Variants in DDX60 observed in about 807,000 individuals in gnomAD.
The protein encoded by DDX60 is DExD/H-box helicase 60.
In DDX60, 165 loss-of-function variants were observed where a neutral mutation model predicts 212.8. The ratio of observed to expected loss-of-function variants is 0.78; its 90% CI spans 0.68 to 0.88. DDX60 has a LOEUF of 0.88. Among genes scored for constraint, DDX60 ranks in the 40% least tolerant of loss-of-function variants. The pLI is 0.00. For missense variants in DDX60, 1,905 were observed against 2,003.9 expected, an observed-to-expected ratio of 0.95 and a Z score of 0.94; for synonymous variants, 703 against 685.3, an observed-to-expected ratio of 1.03 and a Z score of -0.40.
chr4:168,273,172 A>G, intron 18 of DDX60, 107 bp downstream of exon 18: 1 of 1,158,590 alleles, frequency 8.6e-7, no homozygotes, highest in Non-Finnish European at 1.2e-6. Context: ...ATAAATTCAA[A>G]TAAATTATTT....
Position 168,260,864 on chromosome 4 carries a change from CAA to C in DDX60, c.3397_3398del (p.Leu1133IlefsTer11). The C allele has an allele frequency of 6.3e-7, 1 of 1,594,386 alleles. No homozygotes were observed. The highest frequency in any genetic ancestry group is 8.6e-7 in the Non-Finnish European group (1 of 1,168,368). ...KMEKLPALFF[L>X]FKLGAVENAA... is the part of the protein sequence containing the mutation. Reference sequence around the variant, plus strand: ...AAACCAAATTAAATTAAATAACTTACAAAAAAAATAGTGCAGGTAACTTCTCC... The same window carrying C: ...AAACCAAATTAAATTAAATAACTTACAAAAAATAGTGCAGGTAACTTCTCC... On this transcript the variant is annotated frameshift_variant and splice_region_variant, in exon 25 of 38. Coordinates refer to ENST00000393743, the MANE Select transcript of DDX60 (RefSeq NM_017631.6). LOFTEE classifies it high-confidence loss of function.
intron 35 of DDX60, among the ~76,000 whole-genome samples, chr4:168,223,692 T>A (rs991873270): frequency 3.3e-5 from 5 of 152,076 alleles, no homozygotes; most frequent in Non-Finnish European, 7.4e-5. Context: ...TTATTTTAAG[T>A]GATACATGAC....
chr4:168,322,516 C>G (rs1395386305), upstream of DDX60, among the ~76,000 whole-genome samples: 1 of 152,130 alleles, frequency 6.6e-6, no homozygotes, highest in East Asian at 1.9e-4. Context: ...ATTTTCTACT[C>G]TGCTGCATTT....
chr4:168,269,374 G>A (rs767864286), intron 19 of DDX60, among the ~76,000 whole-genome samples: 1 of 152,080 alleles, frequency 6.6e-6, no homozygotes, highest in Non-Finnish European at 1.5e-5. Flanking sequence ...CGAGGAGGGC[G>A]GATCACGAGG....
intron 6 of DDX60, among the ~76,000 whole-genome samples, chr4:168,296,501 A>G (rs976224751): frequency 6.6e-6 from 1 of 152,140 alleles, no homozygotes; most frequent in Non-Finnish European, 1.5e-5. Context: ...TTGAAGACCC[A>G]AAACCACTCA....
At chr4:168,264,058 G>A (rs1477439861) in intron 22 of DDX60, among the ~76,000 whole-genome samples, 2 of 151,776 alleles carry the variant, frequency 1.3e-5, no homozygotes, top group African/African-American at 4.8e-5. Context: ...CAAATTTCGG[G>A]GCTAAAAAAG....
rs899940009 is a variant in DDX60 at position 168,237,552 on chromosome 4, C to T, written c.4270-125G>A. 4 of 1,164,256 alleles carry T rather than the reference C, an allele frequency of 3.4e-6. No homozygotes were observed. In the African/African-American group the frequency reaches 6.3e-5, roughly 18 times the overall value. The allele number at this position is 1,164,256 out of a possible 1,614,324, so 72.1% of individuals were successfully genotyped here. ...AAATATTTATAACTATTACTGGGCC[C>T]AACTTTTATAATTATACCATTTATA... On this transcript the variant is annotated intron_variant, in intron 31 of 37. Transcript: ENST00000393743.
intron 28 of DDX60, among the ~76,000 whole-genome samples, chr4:168,250,079 G>A (rs774021873): frequency 3.3e-5 from 5 of 152,124 alleles, no homozygotes; most frequent in East Asian, 1.9e-4. Flanking sequence ...AAATCCCTGC[G>A]CACTGTCATG....
intron 10 of DDX60, 56 bp downstream of exon 10, chr4:168,286,992 T>TAA: frequency 7.1e-7 from 1 of 1,414,748 alleles, no homozygotes; most frequent in Non-Finnish European, 9.6e-7. Context: ...TGGTGTTTCC[T>TAA]AAACACTTTC....
At chr4:168,285,360 G>GT in intron 11 of DDX60, 33 bp downstream of exon 11, 1 of 1,253,310 alleles carries the variant, frequency 8.0e-7, no homozygotes. Context: ...TTCCACACAA[G>GT]TATTTATTGA....
At position 168,268,962 on chromosome 4, in the gene DDX60, C is replaced by CA; in HGVS notation, c.2677dup (p.Cys893LeufsTer31). 1 of 1,516,650 alleles carries CA rather than the reference C, an allele frequency of 6.6e-7. No individual in the cohort carries two copies. Among genetic ancestry groups the CA allele is most frequent in the Non-Finnish European group, 8.9e-7 (1 of 1,125,332 alleles). 93.9% of individuals were successfully genotyped at this position (1,516,650 alleles called of 1,614,324 possible). ...TTCTGCTCCAATTTCTCCACCAAGA[C>CA]AATGAACCTATTAAACAAAAAAAAA... On this transcript the variant is annotated frameshift_variant, in exon 20 of 38. Coordinates refer to ENST00000393743, the MANE Select transcript of DDX60 (RefSeq NM_017631.6). LOFTEE classifies it high-confidence loss of function.
chr4:168,226,828 G>T (rs1334300187), intron 33 of DDX60, among the ~76,000 whole-genome samples: 1 of 152,056 alleles, frequency 6.6e-6, no homozygotes, highest in Non-Finnish European at 1.5e-5. Context: ...GGACCTAAAA[G>T]TTAAAACAAT....
upstream of DDX60, among the ~76,000 whole-genome samples, chr4:168,319,774 C>T (rs1241593509): frequency 1.3e-5 from 2 of 152,082 alleles, no homozygotes; most frequent in African/African-American, 4.8e-5. Context: ...GGGTAATCAG[C>T]ATGATAAGAA....
chr4:168,275,585 A>T, intron 15 of DDX60, 82 bp from the exon 16 acceptor site: 1 of 1,193,596 alleles, frequency 8.4e-7, no homozygotes, highest in Non-Finnish European at 1.1e-6. Flanking sequence ...ATTACTGAGC[A>T]CTTTCTATGT....
chr4:168,273,364 T>C lies in DDX60; in HGVS notation c.2489A>G (p.Asn830Ser). 6.2e-7 allele frequency: 1 copy of C among 1,613,844 alleles called. No individual in the cohort carries two copies. Among genetic ancestry groups the C allele is most frequent in the Non-Finnish European group, 8.5e-7 (1 of 1,179,842 alleles). ...ACTTGGCAGATTTTTCGTAAAACGA[T>C]TCTGAACAGTTGCTGCCACTTGATT... Reference protein sequence around the residue: ...LVNQVAATVQNRFTKNLPSGE... With the variant: ...LVNQVAATVQSRFTKNLPSGE... The change falls in exon 18 of 38, where the codon AAT (asparagine) becomes AGT (serine). Residue 830 changes from asparagine to serine, a missense_variant. By Grantham distance (46) the Asn-to-Ser change is conservative. Transcript: ENST00000393743.
Position 168,293,793 on chromosome 4 carries a change from G to A in DDX60, c.876C>T (p.Ile292=). ...AAAGTTATAAAAACCACACCTGTTG[G>A]ATCTCAGTTTCCTGACCAGAGGAGG... The part of the protein sequence containing the change: ...REPSSGQETE[I]QQVNSNCLTL... The change falls in exon 7 of 38, where the codon ATC becomes ATT. Residue 292 remains isoleucine (I), a synonymous_variant. Transcript: ENST00000393743. The A allele has an allele frequency of 6.2e-7, 1 of 1,605,046 alleles. No homozygotes were observed. The highest frequency in any genetic ancestry group is 8.5e-7 in the Non-Finnish European group (1 of 1,177,234).
chr4:168,264,046 T>G (rs1734735646), intron 22 of DDX60, among the ~76,000 whole-genome samples: 3 of 152,120 alleles, frequency 2.0e-5, no homozygotes, highest in Admixed American at 1.3e-4. Flanking sequence ...AAATTCAGGC[T>G]TCAAATTTCG....
intron 25 of DDX60, 92 bp from the exon 26 acceptor site, chr4:168,255,961 C>T (rs1183771390): frequency 6.7e-6 from 9 of 1,346,966 alleles, no homozygotes; most frequent in African/African-American, 3.0e-5. Context: ...CCGACATCTG[C>T]CTGTTGGGTT....
rs543837547 is a variant in DDX60 at position 168,280,020 on chromosome 4, G to A, written c.1978+315C>T. On this transcript the variant is annotated intron_variant, in intron 14 of 37. Coordinates refer to ENST00000393743, the MANE Select transcript of DDX60 (RefSeq NM_017631.6). ...CGTAATCCCAGCACTTTGGGAGGCC[G>A]TGGCAGGTGGATCACAAAGTCAGGA... 5.3e-5 allele frequency among the ~76,000 whole-genome samples: 8 copies of A among 152,218 alleles called. 1 individual carries two copies. In the South Asian group the frequency reaches 8.3e-4, roughly 16 times the overall value.
Sources: gnomAD v4.1 joint callset for allele counts (sites outside exome capture counted in the v4.1 genomes callset) on GRCh38, gnomAD v4.1.1 for gene constraint, MANE v1.5 for transcripts, NCBI Gene and HGNC (gene_info 2026-07-23, HGNC 2026-07-21) for gene names.